ZEB1: variants seen among roughly 807,000 people sequenced by gnomAD.
ZEB1 encodes zinc finger E-box binding homeobox 1, also known as zinc finger E-box-binding homeobox 1.
In ZEB1, 21 loss-of-function variants were observed where a neutral mutation model predicts 84.9. The ratio of observed to expected loss-of-function variants is 0.25; its 90% CI spans 0.18 to 0.36. The LOEUF is 0.36. Among genes scored for constraint, ZEB1 ranks in the 10% least tolerant of loss-of-function variants. The pLI, the probability that ZEB1 is intolerant of heterozygous loss-of-function variation, is 1.00. For synonymous variants in ZEB1, 420 were observed against 471.1 expected (o/e 0.89, Z 1.41); for missense variants, 1,104 against 1,330.2 (o/e 0.83, Z 2.65).
intron 1 of ZEB1, among the ~76,000 whole-genome samples, chr10:31,333,473 G>A (rs182489053): frequency 1.3e-5 from 2 of 152,176 alleles, no homozygotes; most frequent in Admixed American, 1.3e-4. Flanking sequence ...AAACTTGGGA[G>A]GAGGGTAAAA....
intron 1 of ZEB1, among the ~76,000 whole-genome samples, chr10:31,411,874 G>A (rs1394336864): frequency 1.3e-5 from 2 of 152,040 alleles, no homozygotes; most frequent in Non-Finnish European, 2.9e-5. Context: ...AATAAACTGT[G>A]GAATAACTGG....
In ZEB1 at chr10:31,378,621, G is replaced by A. The variant is rs141023502; in HGVS notation, c.58+59329G>A. On this transcript the variant is annotated intron_variant, in intron 1 of 8. Transcript: ENST00000424869. The stretch of plus-strand genomic sequence containing the variant: ...ACAAGTTTATAAGAAAATTCAATTA[G>A]CGTAAAGAAAAACTTTTTTTTCTTG... 9.7e-4 allele frequency among the ~76,000 whole-genome samples: 147 copies of A among 151,830 alleles called. 1 individual carries two copies. The highest frequency in any genetic ancestry group is 2.8e-3 in the African/African-American group (115 of 41,480).
intron 3 of ZEB1, among the ~76,000 whole-genome samples, chr10:31,496,666 A>G (rs1274951610): frequency 6.6e-6 from 1 of 152,098 alleles, no homozygotes; most frequent in Non-Finnish European, 1.5e-5. Context: ...TGTATATTCA[A>G]CCATAAATTA....
At chr10:31,425,122 A>G (rs2056758419) in intron 1 of ZEB1, among the ~76,000 whole-genome samples, 1 of 152,106 alleles carries the variant, frequency 6.6e-6, no homozygotes. Context: ...GGGATAGCCA[A>G]TATATCCATA....
rs941960318 is a variant in ZEB1, at chr10:31,461,154, A to T, written c.176A>T (p.Asp59Val). ...DAADCEGVPE[D>V]DLPTDQTVLP... is the part of the protein sequence containing the mutation. ...GCTGACTGTGAAGGTGTACCAGAGG[A>T]TGACCTGCCAACAGACCAGACAGTG... Residue 59 changes from aspartate (D) to valine (V), a missense_variant, in exon 2 of 9, where the codon GAT (aspartate) becomes GTT (valine). Physicochemically the swap from Asp to Val is radical, Grantham distance 152. Transcript: ENST00000424869. 1.2e-6 allele frequency: 2 copies of T among 1,613,476 alleles called. No individual in the cohort carries two copies. Among genetic ancestry groups the T allele is most frequent in the African/African-American group, 1.3e-5 (1 of 74,920 alleles).
At chr10:31,508,227 C>A (rs1003688043) in intron 4 of ZEB1, among the ~76,000 whole-genome samples, 1 of 152,120 alleles carries the variant, frequency 6.6e-6, no homozygotes, top group African/African-American at 2.4e-5. Flanking sequence ...GGCACATTGA[C>A]ACCTTGTGTT....
At chr10:31,404,317 T>C (rs1053706648) in intron 1 of ZEB1, among the ~76,000 whole-genome samples, 1 of 152,154 alleles carries the variant, frequency 6.6e-6, no homozygotes, top group Admixed American at 6.6e-5. Flanking sequence ...ATAATTAATG[T>C]AGGCCTCTGC....
At chr10:31,352,113 T>C (rs1027294364) in intron 1 of ZEB1, among the ~76,000 whole-genome samples, 8 of 152,134 alleles carry the variant, frequency 5.3e-5, no homozygotes, top group Non-Finnish European at 7.4e-5. Flanking sequence ...TAATCAGACT[T>C]TATTCTGTTA....
At chr10:31,395,617 C>G (rs2050571729) in intron 1 of ZEB1, among the ~76,000 whole-genome samples, 1 of 152,116 alleles carries the variant, frequency 6.6e-6, no homozygotes, top group Non-Finnish European at 1.5e-5. Context: ...GAGCACAAAC[C>G]TAGGCAGGGT....
At chr10:31,408,066 G>T (rs972822293) in intron 1 of ZEB1, among the ~76,000 whole-genome samples, 2 of 151,830 alleles carry the variant, frequency 1.3e-5, no homozygotes, top group Non-Finnish European at 2.9e-5. Context: ...CAAAATCAAT[G>T]TACAAAAATC....
chr10:31,497,511 G>T (rs956406212), intron 3 of ZEB1, among the ~76,000 whole-genome samples: 1 of 152,106 alleles, frequency 6.6e-6, no homozygotes, highest in African/African-American at 2.4e-5. Flanking sequence ...GGGGAGTTAG[G>T]AGTAAGCAAA....
intron 2 of ZEB1, among the ~76,000 whole-genome samples, chr10:31,475,900 C>G (rs988990053): frequency 3.3e-5 from 5 of 151,962 alleles, no homozygotes; most frequent in African/African-American, 1.2e-4. Context: ...AGGCACCTAG[C>G]TAACAAAACT....
In ZEB1 at chr10:31,363,648, A is replaced by T. The variant is rs571958766; in HGVS notation, c.58+44356A>T. 5 of 1,457,552 alleles carry T rather than the reference A, an allele frequency of 3.4e-6. No homozygotes were observed. The South Asian group carries it at 4.9e-5, about 14-fold the overall frequency. The allele number at this position is 1,457,552 out of a possible 1,614,324, so 90.3% of individuals were successfully genotyped here. A position where few individuals can be genotyped will look rare whatever the true frequency, so the allele number is the denominator to read the frequency against. The stretch of plus-strand genomic sequence containing the variant: ...GGATCACCTGATCATCTAATGAAGG[A>T]AGTTGAAGGTTAAACTTGCCTCTGA... On this transcript the variant is annotated intron_variant, in intron 1 of 8. Coordinates refer to ENST00000424869, the MANE Select transcript of ZEB1 (RefSeq NM_001174096.2).
chr10:31,419,374 G>A (rs2055762966), intron 1 of ZEB1, among the ~76,000 whole-genome samples: 1 of 152,126 alleles, frequency 6.6e-6, no homozygotes, highest in Non-Finnish European at 1.5e-5. Flanking sequence ...TTTATCCTCA[G>A]TGTAATGAAA....
intron 1 of ZEB1, among the ~76,000 whole-genome samples, chr10:31,370,301 C>T (rs944444797): frequency 2.0e-5 from 3 of 151,964 alleles, no homozygotes; most frequent in Non-Finnish European, 2.9e-5. Context: ...AAAAGGGTGC[C>T]AGGATGTGAA....
At chr10:31,413,463 T>TG (rs2135855792) in intron 1 of ZEB1, among the ~76,000 whole-genome samples, 1 of 152,302 alleles carries the variant, frequency 6.6e-6, no homozygotes, top group Non-Finnish European at 1.5e-5. Flanking sequence ...AATGTGTCAT[T>TG]GCAGATAGAG....
intron 1 of ZEB1, among the ~76,000 whole-genome samples, chr10:31,348,261 T>C (rs1360558143): frequency 1.3e-5 from 2 of 152,100 alleles, no homozygotes; most frequent in Non-Finnish European, 2.9e-5. Flanking sequence ...GCTCTTCTGG[T>C]TTTTTTAAGA....
chr10:31,387,755 C>T, intron 1 of ZEB1: 1 of 985,128 alleles, frequency 1.0e-6, no homozygotes, highest in Non-Finnish European at 1.2e-6. Flanking sequence ...TTCTGTATTA[C>T]ACTTCAGAAA....
chr10:31,439,248 T>C (rs1329427902), intron 1 of ZEB1, among the ~76,000 whole-genome samples: 1 of 152,158 alleles, frequency 6.6e-6, no homozygotes, highest in East Asian at 1.9e-4. Flanking sequence ...CAATATATCT[T>C]AGATGACTAT....
Sources: allele counts gnomAD v4.1 joint callset (sites outside exome capture counted in the v4.1 genomes callset), GRCh38; gene constraint gnomAD v4.1.1; transcripts MANE v1.5; gene names NCBI Gene and HGNC (gene_info 2026-07-23, HGNC 2026-07-21).